CNN3: variants seen among roughly 807,000 people sequenced by gnomAD.
CNN3 encodes the protein calponin 3, also known as calponin-3.
Under a neutral mutation model 39.0 loss-of-function variants are expected in CNN3, and 11 were observed. That is an observed-to-expected ratio of 0.28 (90% CI 0.18 to 0.47). The LOEUF is 0.47. Ranked by LOEUF, CNN3 falls within the 20% of genes least tolerant of loss-of-function variation. The probability of loss-of-function intolerance (pLI) is 0.99; values close to 1 mark genes in which losing one functional copy is unlikely to be tolerated. For missense variants in CNN3, 266 were observed against 403.4 expected (o/e 0.66, Z 2.92); for synonymous variants, 101 against 138.3 (o/e 0.73, Z 1.89).
At position 94,899,663 on chromosome 1, in the gene CNN3, T is replaced by A. The variant is rs1413926811; in HGVS notation, c.502-146A>T. 8.0e-6 allele frequency: 6 copies of A among 745,484 alleles called. No homozygotes were observed. In the East Asian group the frequency reaches 1.7e-4, roughly 21 times the overall value. 46.2% of individuals were successfully genotyped at this position (745,484 alleles called of 1,614,324 possible). A position where few individuals can be genotyped will look rare whatever the true frequency, so the allele number is the denominator to read the frequency against. ...AGGCTCCAGTCAACTCTTCTATGTG[T>A]CTACAAACAAATTTCAAGTGCTAAC... On this transcript the variant is annotated intron_variant, in intron 5 of 6. Coordinates refer to ENST00000370206, the MANE Select transcript of CNN3 (RefSeq NM_001839.5).
At chr1:94,907,251 T>C (rs1438191624) in intron 1 of CNN3, among the ~76,000 whole-genome samples, 1 of 152,220 alleles carries the variant, frequency 6.6e-6, no homozygotes, top group Non-Finnish European at 1.5e-5. Flanking sequence ...GGCTAAGGGT[T>C]TCCTTTAAGT....
At position 94,919,613 on chromosome 1, in the gene CNN3, A is replaced by G. The variant is rs1671387477; in HGVS notation, c.57+7225T>C. Reference sequence around the variant, plus strand: ...AGATAATGGAGAAAGATCAGTGTCCAAACATTTGGGAGTGGAGGCGGGAAG... The same window carrying G: ...AGATAATGGAGAAAGATCAGTGTCCGAACATTTGGGAGTGGAGGCGGGAAG... On this transcript the variant is annotated intron_variant, in intron 1 of 6. Transcript: ENST00000370206. Among the ~76,000 whole-genome samples, 5 of 152,220 alleles carry G rather than the reference A, an allele frequency of 3.3e-5. No homozygotes were observed. The South Asian group carries it at 1.0e-3, about 31-fold the overall frequency.
rs116726068 is a variant in CNN3, at chr1:94,915,936, G to A, written c.57+10902C>T. On this transcript the variant is annotated intron_variant, in intron 1 of 6. Transcript: ENST00000370206. ...CCTCTTCCCTTCCCCTTCTGAGCTG[G>A]GCCCCTTCTCTTCCCACTGACCCTC... 2.5e-3 allele frequency among the ~76,000 whole-genome samples: 373 copies of A among 152,126 alleles called. 1 individual carries two copies. Among genetic ancestry groups the A allele is most frequent in the African/African-American group, 8.5e-3 (352 of 41,496 alleles).
In CNN3 at chr1:94,897,581, A is replaced by T. The variant is rs1167610289; in HGVS notation, c.*161T>A. 4 of 617,980 alleles carry T rather than the reference A, an allele frequency of 6.5e-6. No individual in the cohort carries two copies. Among genetic ancestry groups the T allele is most frequent in the Non-Finnish European group, 8.4e-6 (3 of 356,490 alleles). The allele number at this position is 617,980 out of a possible 1,614,324, so 38.3% of individuals were successfully genotyped here. A position where few individuals can be genotyped will look rare whatever the true frequency, so the allele number is the denominator to read the frequency against. On this transcript the variant is annotated 3_prime_UTR_variant, in exon 7 of 7. Transcript: ENST00000370206. ...ACTAAAAGGCAACTATTGAGGGAAG[A>T]GGCAGAAAAAGGAAAAAGGAATGTA...
At chr1:94,902,016 C>G (rs1415790487) in intron 4 of CNN3, 105 bp downstream of exon 4, 1 of 992,634 alleles carries the variant, frequency 1.0e-6, no homozygotes, top group South Asian at 1.4e-5. Flanking sequence ...ACAGAAGAGA[C>G]AGGCCCCGCC....
chr1:94,910,179 T>C (rs527648141), intron 1 of CNN3, among the ~76,000 whole-genome samples: 5 of 152,266 alleles, frequency 3.3e-5, no homozygotes, highest in South Asian at 4.1e-4. Context: ...GTATTCAACA[T>C]TAGCTTCTGT....
At chr1:94,907,627 A>G (rs1213009876) in intron 1 of CNN3, among the ~76,000 whole-genome samples, 12 of 152,298 alleles carry the variant, frequency 7.9e-5, no homozygotes, top group East Asian at 3.9e-4. Flanking sequence ...CTGGGAGGCC[A>G]AGGTGGGCAG....
intron 1 of CNN3, among the ~76,000 whole-genome samples, chr1:94,921,354 G>A (rs1453521748): frequency 2.0e-5 from 3 of 151,940 alleles, no homozygotes; most frequent in East Asian, 1.9e-4. Context: ...GAGATCGTAC[G>A]ACCTCACTCC....
intron 5 of CNN3, among the ~76,000 whole-genome samples, chr1:94,901,144 A>G (rs1367380981): frequency 6.6e-6 from 1 of 152,138 alleles, no homozygotes; most frequent in African/African-American, 2.4e-5. Context: ...ACCTGAGGTC[A>G]GGAGTTCAAG....
At position 94,897,831 on chromosome 1, in the gene CNN3, G is replaced by A. The variant is rs1376931409; in HGVS notation, c.901C>T (p.Gln301Ter). The change falls in exon 7 of 7, where the codon CAG becomes TAG. Residue 301 changes from glutamine to a stop codon, truncating the protein, a stop_gained. Transcript: ENST00000370206. LOFTEE classifies it high-confidence loss of function. ...TGATACTCATCAGGGTATTCTGCCTGATAATCACTATCACTGATTTCCGAA... is the reference window on the plus strand; with the variant it reads ...TGATACTCATCAGGGTATTCTGCCTAATAATCACTATCACTGATTTCCGAA... ...NGSEISDSDY[Q>*]AEYPDEYHGE... The A allele has an allele frequency of 1.2e-5, 19 of 1,614,046 alleles. No homozygotes were observed. The highest frequency in any genetic ancestry group is 1.6e-5 in the Non-Finnish European group (19 of 1,180,018).
intron 3 of CNN3, among the ~76,000 whole-genome samples, chr1:94,902,836 T>C (rs1022628140): frequency 1.3e-5 from 2 of 152,082 alleles, no homozygotes; most frequent in Admixed American, 1.3e-4. Context: ...CATTTCTCTG[T>C]GTAAGCTGTG....
In CNN3 at chr1:94,926,862, C is replaced by G. The variant is rs770347925; in HGVS notation, c.33G>C (p.Gly11=). The G allele has an allele frequency of 1.1e-5, 17 of 1,610,952 alleles. No homozygotes were observed. Among genetic ancestry groups the G allele is most frequent in the Admixed American group, 1.7e-5 (1 of 59,906 alleles). The change falls in exon 1 of 7, where the codon GGG becomes GGC. Residue 11 remains glycine, a synonymous_variant. Transcript: ENST00000370206. The surrounding 1 kb of genome is among the most constrained non-coding windows in gnomAD (Gnocchi z 4.2). ...CCTTGTTCTTGACTTCGGCCGAGAG[C>G]CCATAGGAAGGGCCCTTGTTGAAGT... The part of the protein sequence containing the change: MTHFNKGPSY[G]LSAEVKNKIA...
intron 1 of CNN3, among the ~76,000 whole-genome samples, chr1:94,917,789 T>C (rs1207734412): frequency 6.6e-6 from 1 of 152,182 alleles, no homozygotes; most frequent in African/African-American, 2.4e-5. Context: ...ACAGGATACT[T>C]TCACTTATTT....
At chr1:94,916,138 C>T (rs560343622) in intron 1 of CNN3, among the ~76,000 whole-genome samples, 86 of 152,272 alleles carry the variant, frequency 5.6e-4, no homozygotes, top group Admixed American at 2.2e-3. Context: ...CTGCCCATTT[C>T]CTCCCTTAGT....
intron 1 of CNN3, among the ~76,000 whole-genome samples, chr1:94,923,084 G>C (rs1671487882): frequency 6.6e-6 from 1 of 152,140 alleles, no homozygotes; most frequent in Admixed American, 6.6e-5. Flanking sequence ...AAAGGTTCCT[G>C]CGGCATTTGC....
At position 94,900,872 on chromosome 1, in the gene CNN3, C is replaced by A. The variant is rs974618431; in HGVS notation, c.501+797G>T. ...TGGTACTGTAAATAAGTGACTTTGG[C>A]ATTAAGGTCGTGTAAAATTGCCTAA... is the stretch of plus-strand genomic sequence containing the variant. On this transcript the variant is annotated intron_variant, in intron 5 of 6. Transcript: ENST00000370206. 2.0e-5 allele frequency among the ~76,000 whole-genome samples: 3 copies of A among 152,132 alleles called. No homozygotes were observed. The East Asian group carries it at 5.8e-4, about 29-fold the overall frequency.
intron 1 of CNN3, among the ~76,000 whole-genome samples, chr1:94,910,044 T>C (rs1671119043): frequency 1.3e-5 from 2 of 152,320 alleles, no homozygotes; most frequent in African/African-American, 4.8e-5. Flanking sequence ...TGTTCAAACC[T>C]GGAAGCAGAC....
At position 94,898,844 on chromosome 1, in the gene CNN3, C is replaced by A. The variant is rs575010511; in HGVS notation, c.648+527G>T. Among the ~76,000 whole-genome samples, 11 of 152,262 alleles carry A rather than the reference C, an allele frequency of 7.2e-5. No homozygotes were observed. In the South Asian group the frequency reaches 2.1e-3, roughly 29 times the overall value. ...ATCCCAGCTGTTGTTGGATGTGAGA[C>A]CTGTCTGTTCTCAAATGGTTGTTGA... On this transcript the variant is annotated intron_variant, in intron 6 of 6. Coordinates refer to ENST00000370206, the MANE Select transcript of CNN3 (RefSeq NM_001839.5).
At chr1:94,923,212 T>C (rs1240869177) in intron 1 of CNN3, among the ~76,000 whole-genome samples, 1 of 152,208 alleles carries the variant, frequency 6.6e-6, no homozygotes, top group African/African-American at 2.4e-5. Flanking sequence ...GAGTACCTGT[T>C]ATGTTTTTTC....
Sources: allele counts gnomAD v4.1 joint callset (sites outside exome capture counted in the v4.1 genomes callset), GRCh38; gene constraint gnomAD v4.1.1; non-coding constraint Gnocchi (gnomAD v3.1); transcripts MANE v1.5; gene names NCBI Gene and HGNC (gene_info 2026-07-23, HGNC 2026-07-21).